VPS54: variants seen among roughly 807,000 people sequenced by gnomAD.
VPS54 encodes the protein VPS54 subunit of GARP complex.
In VPS54, 45 loss-of-function variants were observed where a neutral mutation model predicts 121.5. The ratio of observed to expected loss-of-function variants is 0.37; its 90% CI spans 0.29 to 0.47. The LOEUF (loss-of-function observed/expected upper bound fraction) is 0.47, where lower values mean the gene tolerates loss of function less well. VPS54 is among the 20% of genes least tolerant of loss of function. The probability of loss-of-function intolerance (pLI) is 0.99; values close to 1 mark genes in which losing one functional copy is unlikely to be tolerated. For synonymous variants in VPS54, 371 were observed against 385.8 expected, an observed-to-expected ratio of 0.96 and a Z score of 0.45; for missense variants, 1,090 against 1,131.4, an observed-to-expected ratio of 0.96 and a Z score of 0.52.
At position 63,907,443 on chromosome 2, in the gene VPS54, G is replaced by A. The variant is rs138376271; in HGVS notation, c.2625+4902C>T. Among the ~76,000 whole-genome samples the A allele has an allele frequency of 1.7e-3, 262 of 151,656 alleles. 7 individuals are homozygous for A. The East Asian group carries it at 0.046, about 27-fold the overall frequency. On this transcript the variant is annotated intron_variant, in intron 20 of 22. Transcript: ENST00000272322. ...TGAGGCAGAAGAATAGCATGAACCCGGGAGGCGGAGGTTGCGGTGAGCTGA... is the reference window on the plus strand; with the variant it reads ...TGAGGCAGAAGAATAGCATGAACCCAGGAGGCGGAGGTTGCGGTGAGCTGA...
At chr2:63,999,623 A>G (rs1160961303) in intron 1 of VPS54, among the ~76,000 whole-genome samples, 1 of 152,098 alleles carries the variant, frequency 6.6e-6, no homozygotes, top group Non-Finnish European at 1.5e-5. Context: ...TTGGATATTA[A>G]TATCTTTCTC....
intron 1 of VPS54, 60 bp from the exon 2 acceptor site, chr2:63,984,079 A>C: frequency 7.4e-7 from 1 of 1,356,882 alleles, no homozygotes; most frequent in Non-Finnish European, 9.6e-7. Context: ...AGTATTATAC[A>C]TGTCACAAAT....
At chr2:64,002,697 A>T (rs1192598420) in intron 1 of VPS54, among the ~76,000 whole-genome samples, 1 of 152,236 alleles carries the variant, frequency 6.6e-6, no homozygotes, top group East Asian at 1.9e-4. Context: ...TCTGAGGAGA[A>T]AAACACATGG....
chr2:63,998,262 T>C (rs912555848), intron 1 of VPS54, among the ~76,000 whole-genome samples: 3 of 152,194 alleles, frequency 2.0e-5, no homozygotes, highest in Non-Finnish European at 4.4e-5. Flanking sequence ...TACTAGAGAA[T>C]ATCTTTTTCC....
At chr2:63,953,887 A>C (rs528828981) in intron 7 of VPS54, among the ~76,000 whole-genome samples, 5 of 152,322 alleles carry the variant, frequency 3.3e-5, no homozygotes, top group African/African-American at 1.2e-4. Context: ...TACTAATGAC[A>C]CTAACATAAT....
chr2:63,949,374 G>T (rs1049494430), intron 7 of VPS54, among the ~76,000 whole-genome samples: 1 of 152,024 alleles, frequency 6.6e-6, no homozygotes, highest in Non-Finnish European at 1.5e-5. Flanking sequence ...GTTGACCCTT[G>T]AACAACATGG....
At position 63,985,872 on chromosome 2, in the gene VPS54, T is replaced by C. The variant is rs533796182; in HGVS notation, c.-20-1853A>G. ...TCCACACACATTAAGTGTATGGTTGTTTCTGTATAAAAGTTTACACATATT... is the reference window on the plus strand; with the variant it reads ...TCCACACACATTAAGTGTATGGTTGCTTCTGTATAAAAGTTTACACATATT... On this transcript the variant is annotated intron_variant, in intron 1 of 22. Coordinates refer to ENST00000272322, the MANE Select transcript of VPS54 (RefSeq NM_016516.3). 3.9e-5 allele frequency among the ~76,000 whole-genome samples: 6 copies of C among 152,332 alleles called. No homozygotes were observed. The South Asian group carries it at 6.2e-4, about 16-fold the overall frequency.
chr2:63,951,225 T>A (rs1303251573), intron 7 of VPS54, among the ~76,000 whole-genome samples: 2 of 148,494 alleles, frequency 1.3e-5, no homozygotes, highest in East Asian at 3.9e-4. Flanking sequence ...TTTTTTTTTT[T>A]ACAGTCATGG....
intron 12 of VPS54, among the ~76,000 whole-genome samples, chr2:63,931,017 A>G (rs1674170056): frequency 6.6e-6 from 1 of 152,224 alleles, no homozygotes; most frequent in South Asian, 2.1e-4. Context: ...ATAAGAGAGG[A>G]CACAAACAAA....
At chr2:63,995,050 C>A (rs1028043006) in intron 1 of VPS54, among the ~76,000 whole-genome samples, 2 of 152,170 alleles carry the variant, frequency 1.3e-5, no homozygotes, top group Non-Finnish European at 2.9e-5. Context: ...GTATGATATT[C>A]CCCATTCTGA....
At chr2:64,014,958 G>A (rs999479939) in intron 1 of VPS54, among the ~76,000 whole-genome samples, 3 of 151,896 alleles carry the variant, frequency 2.0e-5, no homozygotes, top group Non-Finnish European at 2.9e-5. Context: ...GGAGCTCATA[G>A]GGGAAAAAAA....
rs1675047117 is a variant in VPS54 at position 63,947,736 on chromosome 2, A to G, written c.1138-246T>C. ...ATGAAGCTGGTTTTCGGGCAAAACA[A>G]TACAAGGGTATTTTTTGTTCTAGTT... On this transcript the variant is annotated intron_variant, in intron 8 of 22. Coordinates refer to ENST00000272322, the MANE Select transcript of VPS54 (RefSeq NM_016516.3). 6.6e-5 allele frequency among the ~76,000 whole-genome samples: 10 copies of G among 152,286 alleles called. No homozygotes were observed. In the South Asian group the frequency reaches 2.1e-3, roughly 32 times the overall value.
At position 63,967,173 on chromosome 2, in the gene VPS54, T is replaced by C. The variant is rs796985864; in HGVS notation, c.493-1207A>G. Reference sequence around the variant, plus strand: ...TAATCAATTTATGTATTTATTTATATGCTATATTTTATTTACTGATTTATT... The same window carrying C: ...TAATCAATTTATGTATTTATTTATACGCTATATTTTATTTACTGATTTATT... On this transcript the variant is annotated intron_variant, in intron 5 of 22. Transcript: ENST00000272322. Among the ~76,000 whole-genome samples the C allele has an allele frequency of 3.9e-5, 6 of 152,300 alleles. 1 individual carries two copies. Among genetic ancestry groups the C allele is most frequent in the African/African-American group, 1.4e-4 (6 of 41,560 alleles).
rs1319929951 is a variant in VPS54, at chr2:63,892,277, TATAC to T, written c.*1149_*1152del. 1 of 152,136 alleles carries T rather than the reference TATAC, an allele frequency of 6.6e-6. No homozygotes were observed. The highest frequency in any genetic ancestry group is 1.9e-4 in the East Asian group (1 of 5,196). The allele number at this position is 152,136 out of a possible 1,614,324, so 9.4% of individuals were successfully genotyped here. ...AGAGCACAAAATAAGACTGTTTCAT[TATAC>T]ATAATCACCACAGGATATTAGGCAC... On this transcript the variant is annotated 3_prime_UTR_variant, in exon 23 of 23. Coordinates refer to ENST00000272322, the MANE Select transcript of VPS54 (RefSeq NM_016516.3).
intron 11 of VPS54, among the ~76,000 whole-genome samples, chr2:63,936,551 C>T (rs1159349311): frequency 6.6e-6 from 1 of 152,070 alleles, no homozygotes; most frequent in Non-Finnish European, 1.5e-5. Context: ...AAATGACAGA[C>T]TAGGATTATT....
chr2:63,953,979 C>T (rs1340905430), intron 7 of VPS54, among the ~76,000 whole-genome samples: 1 of 152,118 alleles, frequency 6.6e-6, no homozygotes. Flanking sequence ...ACTTTTTCCT[C>T]TTCTTTTCCT....
chr2:63,969,078 A>C, intron 4 of VPS54, 87 bp from the exon 5 acceptor site: 1 of 1,078,304 alleles, frequency 9.3e-7, no homozygotes, highest in South Asian at 1.4e-5. Context: ...TCAGTATTGT[A>C]CTGGGTCACA....
chr2:64,016,281 G>T (rs1264251638), intron 1 of VPS54, among the ~76,000 whole-genome samples: 4 of 152,148 alleles, frequency 2.6e-5, no homozygotes, highest in Admixed American at 6.6e-5. Context: ...ACCAAAAAGT[G>T]TATCAGTTAT....
chr2:63,949,610 T>A (rs533279620), intron 7 of VPS54, among the ~76,000 whole-genome samples: 2 of 152,192 alleles, frequency 1.3e-5, no homozygotes, highest in Non-Finnish European at 2.9e-5. Context: ...ACATTGACTA[T>A]TGATTAACTG....
Sources: gnomAD v4.1 joint callset for allele counts (sites outside exome capture counted in the v4.1 genomes callset) on GRCh38, gnomAD v4.1.1 for gene constraint, MANE v1.5 for transcripts, NCBI Gene and HGNC (gene_info 2026-07-23, HGNC 2026-07-21) for gene names.